SPATA21: variants seen among roughly 807,000 people sequenced by gnomAD.
SPATA21 encodes the protein spermatogenesis-associated protein 21.
In SPATA21, 47 loss-of-function variants were observed where a neutral mutation model predicts 54.8. The ratio of observed to expected loss-of-function variants is 0.86; its 90% CI spans 0.68 to 1.09. SPATA21 has a LOEUF of 1.09. SPATA21 is among the 50% of genes least tolerant of loss of function. The pLI is 0.00. For synonymous variants in SPATA21, 245 were observed against 235.3 expected, an observed-to-expected ratio of 1.04 and a Z score of -0.38; for missense variants, 599 against 596.4, an observed-to-expected ratio of 1.00 and a Z score of -0.05.
intron 3 of SPATA21, among the ~76,000 whole-genome samples, chr1:16,431,034 T>C (rs2086444372): frequency 6.6e-6 from 1 of 152,218 alleles, no homozygotes; most frequent in Non-Finnish European, 1.5e-5. Context: ...TTTAGCACAT[T>C]GATCTAGCCA....
At chr1:16,436,702 G>A (rs2086593776) in intron 1 of SPATA21, among the ~76,000 whole-genome samples, 2 of 151,814 alleles carry the variant, frequency 1.3e-5, no homozygotes, top group Admixed American at 1.3e-4. Context: ...GGAGATGGAG[G>A]TTGCAGTGAG....
intron 3 of SPATA21, among the ~76,000 whole-genome samples, chr1:16,429,250 G>A (rs532936312): frequency 6.7e-6 from 1 of 149,832 alleles, no homozygotes; most frequent in African/African-American, 2.5e-5. Context: ...CTCTCCTCCC[G>A]CCTCTGCCTC....
intron 5 of SPATA21, among the ~76,000 whole-genome samples, chr1:16,419,796 C>T (rs982245807): frequency 2.0e-5 from 3 of 152,094 alleles, no homozygotes; most frequent in Admixed American, 6.6e-5. Context: ...AAAAATTAAC[C>T]GGGTGAGGTG....
chr1:16,424,234 A>G (rs1570191625), intron 3 of SPATA21, among the ~76,000 whole-genome samples: 2 of 1,622 alleles, frequency 1.2e-3, no homozygotes, highest in African/African-American at 2.9e-3. Flanking sequence ...AATGGCATGA[A>G]CCTGGGAGGC....
intron 11 of SPATA21, among the ~76,000 whole-genome samples, chr1:16,400,207 G>C (rs1044303343): frequency 6.6e-6 from 1 of 151,968 alleles, no homozygotes; most frequent in African/African-American, 2.4e-5. Flanking sequence ...TTTAGAGATG[G>C]GGTTTCACCA....
Position 16,405,518 on chromosome 1 carries a change from G to A in SPATA21, c.674-414C>T, listed in dbSNP as rs555240175. 4.2e-5 allele frequency among the ~76,000 whole-genome samples: 6 copies of A among 143,688 alleles called. No individual in the cohort carries two copies. The East Asian group carries it at 7.9e-4, about 19-fold the overall frequency. The allele number at this position is 143,688 out of a possible 152,430, so 94.3% of individuals were successfully genotyped here. A position where few individuals can be genotyped will look rare whatever the true frequency, so the allele number is the denominator to read the frequency against. ...GAAAAAAAAAAAAAAAAAAAAAACT[G>A]GGCATGGTGGTGTGCACCTGTAGTC... On this transcript the variant is annotated intron_variant, in intron 7 of 12. Transcript: ENST00000335496.
rs1006083720 is a variant in SPATA21, at chr1:16,422,045, C to T, written c.35-74G>A. On this transcript the variant is annotated intron_variant, in intron 3 of 12. Transcript: ENST00000335496. ...CATGTCCCCCTGGGCTGGGCTCTGGCGGAGCCTCCTGTGGCCTGATGTGTG... is the reference window on the plus strand; with the variant it reads ...CATGTCCCCCTGGGCTGGGCTCTGGTGGAGCCTCCTGTGGCCTGATGTGTG... 48 of 1,611,926 alleles carry T rather than the reference C, an allele frequency of 3.0e-5. No individual in the cohort carries two copies. In the African/African-American group the frequency reaches 3.9e-4, roughly 13 times the overall value.
downstream of SPATA21, chr1:16,398,076 C>T (rs2085342657): frequency 5.6e-6 from 5 of 886,646 alleles, no homozygotes; most frequent in Middle Eastern, 5.7e-4. Flanking sequence ...CACCCTGCAC[C>T]GCGGGCTCCT....
chr1:16,399,666 C>T, intron 11 of SPATA21, 145 bp from the exon 12 acceptor site: 1 of 924,796 alleles, frequency 1.1e-6, no homozygotes, highest in Non-Finnish European at 1.6e-6. Flanking sequence ...AGCTTCTGAG[C>T]TGGAGGTGAT....
intron 11 of SPATA21, 101 bp downstream of exon 11, chr1:16,400,619 T>A (rs1255782853): frequency 6.7e-7 from 1 of 1,502,706 alleles, no homozygotes; most frequent in Non-Finnish European, 8.9e-7. Flanking sequence ...GCCTCTCAGC[T>A]CCCTTGGCCT....
At chr1:16,422,334 C>A in intron 3 of SPATA21, 2 of 686,500 alleles carry the variant, frequency 2.9e-6, no homozygotes, top group Non-Finnish European at 3.9e-6. Context: ...ACTTAATTCT[C>A]CTAGTGCCCC....
chr1:16,405,511 A>AAAAAC (rs2085609382), intron 7 of SPATA21, among the ~76,000 whole-genome samples: 1 of 147,368 alleles, frequency 6.8e-6, no homozygotes. Context: ...AAAAAAAAAA[A>AAAAAC]AAAACTGGGC....
Position 16,405,055 on chromosome 1 carries a change from T to C in SPATA21, c.723A>G (p.Ala241=), listed in dbSNP as rs1330232118. Residue 241 remains alanine (A), a synonymous_variant, in exon 8 of 13, where the codon GCA becomes GCG. Coordinates refer to ENST00000335496, the MANE Select transcript of SPATA21 (RefSeq NM_198546.1). ...GGAGCAGGATATTCTTCAGGCTCTG[T>C]GCATCCACCTCACCAGGACCATTGA... ...EIFNGPGEVD[A]QSLKNILLLM... is the part of the protein sequence containing the mutation. The C allele has an allele frequency of 6.2e-7, 1 of 1,610,368 alleles. No homozygotes were observed. The highest frequency in any genetic ancestry group is 1.3e-5 in the African/African-American group (1 of 74,706).
At chr1:16,399,611 A>G in intron 11 of SPATA21, 90 bp from the exon 12 acceptor site, 2 of 1,433,526 alleles carry the variant, frequency 1.4e-6, no homozygotes, top group South Asian at 2.7e-5. Flanking sequence ...TGGCGTTGCT[A>G]CATAATGACC....
chr1:16,425,601 C>G, intron 3 of SPATA21: 1 of 1,550,222 alleles, frequency 6.5e-7, no homozygotes, highest in South Asian at 1.2e-5. Context: ...ATCTCCTTTC[C>G]GGAGCCCAGC....
At chr1:16,418,875 C>A (rs1358368136) in intron 5 of SPATA21, among the ~76,000 whole-genome samples, 2 of 152,174 alleles carry the variant, frequency 1.3e-5, no homozygotes, top group Non-Finnish European at 2.9e-5. Context: ...TCTCACTAGT[C>A]TGGAGAGGTA....
chr1:16,405,651 AC>A (rs893240525), intron 7 of SPATA21, among the ~76,000 whole-genome samples: 3 of 151,978 alleles, frequency 2.0e-5, no homozygotes, highest in Admixed American at 2.0e-4. Context: ...ACAGAGTAAG[AC>A]CCTCTATTGA....
chr1:16,421,396 A>T lies in SPATA21; in HGVS notation c.144+113T>A, dbSNP rs1006505242. 36 of 1,059,288 alleles carry T rather than the reference A, an allele frequency of 3.4e-5. No individual in the cohort carries two copies. Among genetic ancestry groups the T allele is most frequent in the South Asian group, 3.2e-4 (20 of 62,798 alleles). The allele number at this position is 1,059,288 out of a possible 1,614,324, so 65.6% of individuals were successfully genotyped here. A position where few individuals can be genotyped will look rare whatever the true frequency, so the allele number is the denominator to read the frequency against. ...AGCCACACACACCTTCCTTGGTTTG[A>T]CTCCAAATAGGGGTTTGACGTGCCA... On this transcript the variant is annotated intron_variant, in intron 5 of 12. Transcript: ENST00000335496. This position sits in a 1 kb window ranked among gnomAD's most constrained non-coding sequence, Gnocchi z 5.2.
Position 16,421,091 on chromosome 1 carries a change from G to T in SPATA21, c.144+418C>A, listed in dbSNP as rs1479483978. Among the ~76,000 whole-genome samples, 1 of 152,058 alleles carries T rather than the reference G, an allele frequency of 6.6e-6. No homozygotes were observed. The highest frequency in any genetic ancestry group is 1.5e-5 in the Non-Finnish European group (1 of 68,014). On this transcript the variant is annotated intron_variant, in intron 5 of 12. Coordinates refer to ENST00000335496, the MANE Select transcript of SPATA21 (RefSeq NM_198546.1). The surrounding 1 kb of genome is among the most constrained non-coding windows in gnomAD (Gnocchi z 5.2). ...TTGCAGGTTGCCTGGTCAGGTCAAA[G>T]AACTAGGAAGTGGCAGAGCTTGGGG...
Sources: allele counts gnomAD v4.1 joint callset (sites outside exome capture counted in the v4.1 genomes callset), GRCh38; gene constraint gnomAD v4.1.1; non-coding constraint Gnocchi (gnomAD v3.1); transcripts MANE v1.5; gene names NCBI Gene and HGNC (gene_info 2026-07-23, HGNC 2026-07-21).